MED12L: variants seen among roughly 807,000 people sequenced by gnomAD.
MED12L encodes the protein mediator of RNA polymerase II transcription subunit 12-like protein.
In MED12L, 60 loss-of-function variants were observed where a neutral mutation model predicts 281.3. The observed-to-expected ratio is 0.21, with a 90% confidence interval of 0.17 to 0.26. The LOEUF (loss-of-function observed/expected upper bound fraction) is 0.26. Ranked by LOEUF, MED12L falls within the 10% of genes least tolerant of loss-of-function variation. MED12L has a pLI of 1.00. For synonymous variants in MED12L, 974 were observed against 987.2 expected (o/e 0.99, Z 0.25); for missense variants, 2,146 against 2,680.9 (o/e 0.80, Z 4.41).
In MED12L at chr3:151,407,201, C is replaced by A. The variant is rs187293603; in HGVS notation, c.5821-2042C>A. Among the ~76,000 whole-genome samples, 11 of 152,290 alleles carry A rather than the reference C, an allele frequency of 7.2e-5. No individual in the cohort carries two copies. The East Asian group carries it at 1.9e-3, about 27-fold the overall frequency. Reference sequence around the variant, plus strand: ...TACCTTATTAGTATTCTAGCTCCCCCCACCATGTAAGTCATAATGTGTTTC... The same window carrying A: ...TACCTTATTAGTATTCTAGCTCCCCACACCATGTAAGTCATAATGTGTTTC... On this transcript the variant is annotated intron_variant, in intron 39 of 44. Coordinates refer to ENST00000687756, the MANE Select transcript of MED12L (RefSeq NM_001393769.1).
chr3:151,213,377 A>G (rs775758883), intron 16 of MED12L: 13 of 1,613,850 alleles, frequency 8.1e-6, no homozygotes, highest in South Asian at 1.1e-5. Context: ...TGAGCTTTTA[A>G]TGGAATGTGC....
Position 151,086,798 on chromosome 3 carries a change from C to T in MED12L, c.-129C>T. ...CCTGCTTTATTCCTCCTGCCTGCAGCGCCACAGCGAGCGAGCGAGCGAGGA... is the reference window on the plus strand; with the variant it reads ...CCTGCTTTATTCCTCCTGCCTGCAGTGCCACAGCGAGCGAGCGAGCGAGGA... On this transcript the variant is annotated splice_region_variant and 5_prime_UTR_variant, in exon 2 of 45. Transcript: ENST00000687756. The T allele has an allele frequency of 2.9e-6, 2 of 690,316 alleles. No homozygotes were observed. Among genetic ancestry groups the T allele is most frequent in the South Asian group, 2.0e-5 (1 of 50,262 alleles). The allele number at this position is 690,316 out of a possible 1,614,324, so 42.8% of individuals were successfully genotyped here.
chr3:151,179,543 C>G (rs1041371993), intron 11 of MED12L, among the ~76,000 whole-genome samples: 1 of 152,090 alleles, frequency 6.6e-6, no homozygotes, highest in African/African-American at 2.4e-5. Context: ...AACAATAAAG[C>G]TGAGAGGATG....
At chr3:151,283,839 A>C (rs1490683854) in intron 16 of MED12L, among the ~76,000 whole-genome samples, 5 of 152,222 alleles carry the variant, frequency 3.3e-5, no homozygotes, top group Non-Finnish European at 5.9e-5. Context: ...CAAGTGTATT[A>C]AATCATCTAA....
intron 11 of MED12L, among the ~76,000 whole-genome samples, chr3:151,180,846 C>G (rs1309639019): frequency 1.3e-5 from 2 of 152,160 alleles, no homozygotes; most frequent in Admixed American, 6.5e-5. Context: ...CTTCAGTGCA[C>G]AGTATACACA....
intron 16 of MED12L, among the ~76,000 whole-genome samples, chr3:151,300,840 G>T (rs1480489753): frequency 6.6e-6 from 1 of 152,210 alleles, no homozygotes; most frequent in Non-Finnish European, 1.5e-5. Flanking sequence ...GCAGGAGTAT[G>T]TGTAAGAGTT....
intron 16 of MED12L, chr3:151,329,390 G>A (rs1750088790): frequency 1.4e-6 from 1 of 734,148 alleles, no homozygotes; most frequent in East Asian, 2.8e-5. Flanking sequence ...ACTATGGTTT[G>A]TAGAATATTA....
intron 27 of MED12L, among the ~76,000 whole-genome samples, chr3:151,373,571 T>C (rs936154152): frequency 1.3e-4 from 20 of 151,906 alleles, no homozygotes; most frequent in Non-Finnish European, 2.5e-4. Context: ...TTTTTTTTTT[T>C]CCCCAACTTC....
At chr3:151,121,364 T>C (rs1399670303) in intron 3 of MED12L, among the ~76,000 whole-genome samples, 1 of 152,254 alleles carries the variant, frequency 6.6e-6, no homozygotes, top group Non-Finnish European at 1.5e-5. Context: ...TGTATTACGT[T>C]AACACACCAA....
chr3:151,312,185 A>G (rs1298665621), intron 16 of MED12L, among the ~76,000 whole-genome samples: 1 of 152,230 alleles, frequency 6.6e-6, no homozygotes, highest in Non-Finnish European at 1.5e-5. Flanking sequence ...CTGAGGAGGA[A>G]CAAGATGGGG....
chr3:151,373,434 A>G (rs1756424536), intron 27 of MED12L, among the ~76,000 whole-genome samples: 1 of 152,078 alleles, frequency 6.6e-6, no homozygotes, highest in African/African-American at 2.4e-5. Flanking sequence ...GCAGTAAGCA[A>G]TCTTTGAGGA....
intron 16 of MED12L, among the ~76,000 whole-genome samples, chr3:151,200,351 G>A (rs1184475913): frequency 6.6e-6 from 1 of 152,136 alleles, no homozygotes; most frequent in Non-Finnish European, 1.5e-5. Context: ...CTGCCTGTTG[G>A]TGTGGGTCCC....
At chr3:151,350,772 A>C (rs1178618430) in intron 17 of MED12L, among the ~76,000 whole-genome samples, 5 of 152,172 alleles carry the variant, frequency 3.3e-5, no homozygotes, top group African/African-American at 9.7e-5. Flanking sequence ...TTTGCTCTAT[A>C]ATGTCTTCTT....
chr3:151,232,931 T>A (rs1288385531), intron 16 of MED12L, among the ~76,000 whole-genome samples: 8 of 152,222 alleles, frequency 5.3e-5, no homozygotes, highest in Admixed American at 3.3e-4. Context: ...AAATTTTTTT[T>A]AATATTGTTT....
At chr3:151,170,120 A>G (rs887271293) in intron 11 of MED12L, among the ~76,000 whole-genome samples, 6 of 152,148 alleles carry the variant, frequency 3.9e-5, no homozygotes, top group African/African-American at 1.4e-4. Flanking sequence ...AGTGCATGGG[A>G]TGAAGGCATC....
intron 43 of MED12L, among the ~76,000 whole-genome samples, chr3:151,425,075 GA>G (rs1460749028): frequency 6.6e-6 from 1 of 152,120 alleles, no homozygotes; most frequent in Non-Finnish European, 1.5e-5. Flanking sequence ...TCAAAGCAAT[GA>G]AAAAAACCTT....
At chr3:151,283,347 G>A (rs114443292) in intron 16 of MED12L, among the ~76,000 whole-genome samples, 2,560 of 152,330 alleles carry the variant, frequency 0.017, 70 homozygotes, top group African/African-American at 0.058. Flanking sequence ...CTCGACTGAT[G>A]TTAGCAAAGA....
At chr3:151,349,963 C>A (rs1577401574) in intron 16 of MED12L, 96 bp from the exon 17 acceptor site, 1 of 1,145,014 alleles carries the variant, frequency 8.7e-7, no homozygotes, top group Non-Finnish European at 1.2e-6. Flanking sequence ...CACCGCAAGC[C>A]AGCATGGAGG....
At chr3:151,294,275 C>T (rs1463257674) in intron 16 of MED12L, 1 of 1,613,782 alleles carries the variant, frequency 6.2e-7, no homozygotes, top group Non-Finnish European at 8.5e-7. Context: ...TTTGAACAGC[C>T]TTCTTGAAAA....
Sources: gnomAD v4.1 joint callset for allele counts (sites outside exome capture counted in the v4.1 genomes callset) on GRCh38, gnomAD v4.1.1 for gene constraint, MANE v1.5 for transcripts, NCBI Gene and HGNC (gene_info 2026-07-23, HGNC 2026-07-21) for gene names.